VWA5B1: variants seen among roughly 807,000 people sequenced by gnomAD.
VWA5B1 encodes the protein von Willebrand factor A domain containing 5B1, also known as von Willebrand factor A domain-containing protein 5B1.
VWA5B1 carries 115 observed loss-of-function variants against 118.2 expected under a neutral mutation model. The ratio of observed to expected loss-of-function variants is 0.97; its 90% CI spans 0.84 to 1.14. The LOEUF (loss-of-function observed/expected upper bound fraction) is 1.14. Among genes scored for constraint, VWA5B1 ranks in the 50% most tolerant of loss-of-function variants. The pLI is 0.00. For synonymous variants in VWA5B1, 682 were observed against 658.4 expected, an observed-to-expected ratio of 1.04 and a Z score of -0.55; for missense variants, 1,596 against 1,603.8, an observed-to-expected ratio of 1.00 and a Z score of 0.08.
chr1:20,318,121 A>T (rs2089083096), intron 5 of VWA5B1, among the ~76,000 whole-genome samples: 1 of 151,280 alleles, frequency 6.6e-6, no homozygotes, highest in African/African-American at 2.4e-5. Flanking sequence ...TGTAACCAGG[A>T]TTGAGAACCA....
rs925796516 is a variant in VWA5B1, at chr1:20,330,793, C to G, written c.1458-76C>G. The G allele has an allele frequency of 3.6e-6, 5 of 1,391,482 alleles. No homozygotes were observed. The African/African-American group carries it at 4.3e-5, about 12-fold the overall frequency. 86.2% of individuals were successfully genotyped at this position (1,391,482 alleles called of 1,614,324 possible). On this transcript the variant is annotated intron_variant, in intron 10 of 21. Transcript: ENST00000289815. Reference sequence around the variant, plus strand: ...CTCCAAGATCCTGCCAGACCATGCTCTGTCCCTTTCTGCATCAGGAGGCAA... The same window carrying G: ...CTCCAAGATCCTGCCAGACCATGCTGTGTCCCTTTCTGCATCAGGAGGCAA...
intron 6 of VWA5B1, 75 bp from the exon 7 acceptor site, chr1:20,319,307 A>G: frequency 2.0e-6 from 3 of 1,528,238 alleles, no homozygotes; most frequent in South Asian, 2.5e-5. Context: ...AGAATCTTGC[A>G]CCTAAACCAA....
At chr1:20,314,710 C>T (rs1570099159) in intron 4 of VWA5B1, 118 bp downstream of exon 4, 15 of 1,457,110 alleles carry the variant, frequency 1.0e-5, no homozygotes, top group Non-Finnish European at 1.2e-5. Context: ...AGGCTCTGCT[C>T]TACGATTGCC....
intron 10 of VWA5B1, 72 bp from the exon 11 acceptor site, chr1:20,330,797 C>A: frequency 2.8e-6 from 4 of 1,408,654 alleles, no homozygotes; most frequent in Non-Finnish European, 3.9e-6. Flanking sequence ...CATGCTCTGT[C>A]CCTTTCTGCA....
intron 21 of VWA5B1, among the ~76,000 whole-genome samples, chr1:20,353,185 G>T (rs548821195): frequency 2.4e-4 from 37 of 152,254 alleles, no homozygotes; most frequent in Admixed American, 2.2e-3. Flanking sequence ...AGTTGGAGAG[G>T]GTAAGAGTCA....
At chr1:20,324,294 AG>A in intron 8 of VWA5B1, among the ~76,000 whole-genome samples, 1 of 152,214 alleles carries the variant, frequency 6.6e-6, no homozygotes, top group Non-Finnish European at 1.5e-5. Context: ...CTCCCTGCTA[AG>A]GAGAGCTCCT....
intron 12 of VWA5B1, among the ~76,000 whole-genome samples, chr1:20,335,747 C>T (rs904540486): frequency 2.0e-5 from 3 of 152,090 alleles, no homozygotes; most frequent in Non-Finnish European, 4.4e-5. Context: ...AGTAGATCAT[C>T]ATAAAGGTCT....
intron 1 of VWA5B1, 58 bp from the exon 2 acceptor site, chr1:20,310,518 A>G: frequency 1.4e-6 from 2 of 1,417,490 alleles, no homozygotes; most frequent in Admixed American, 3.2e-5. Flanking sequence ...CGGGAAAACT[A>G]GGTTGAGGGG....
intron 18 of VWA5B1, 63 bp from the exon 19 acceptor site, chr1:20,350,093 T>A: frequency 1.3e-6 from 2 of 1,497,212 alleles, no homozygotes; most frequent in Non-Finnish European, 1.8e-6. Context: ...ATTGCTCTCC[T>A]GAGGGGATGG....
chr1:20,304,191 G>T (rs1285882600), intron 1 of VWA5B1, among the ~76,000 whole-genome samples: 2 of 152,170 alleles, frequency 1.3e-5, no homozygotes, highest in African/African-American at 2.4e-5. Context: ...TTACAGTGCC[G>T]CAGGATGTGG....
intron 1 of VWA5B1, among the ~76,000 whole-genome samples, chr1:20,295,735 C>T (rs955512971): frequency 3.9e-5 from 6 of 152,144 alleles, no homozygotes; most frequent in African/African-American, 7.2e-5. Flanking sequence ...AGAATGTGGC[C>T]ATTGAGGGAG....
chr1:20,338,009 A>G (rs561705916), intron 14 of VWA5B1, 173 bp downstream of exon 14: 1 of 812,944 alleles, frequency 1.2e-6, no homozygotes, highest in East Asian at 2.7e-5. Flanking sequence ...GACACCTTCC[A>G]AATCAGGACA....
At chr1:20,350,024 C>G in intron 18 of VWA5B1, 132 bp from the exon 19 acceptor site, 1 of 827,114 alleles carries the variant, frequency 1.2e-6, no homozygotes, top group Non-Finnish European at 2.0e-6. Context: ...CCCATCCGAG[C>G]AGGGGTGGAA....
At chr1:20,313,039 G>A (rs1290078862) in intron 3 of VWA5B1, 51 bp downstream of exon 3, 2 of 1,534,876 alleles carry the variant, frequency 1.3e-6, no homozygotes, top group South Asian at 1.2e-5. Flanking sequence ...CCAGCCAGAG[G>A]CTGCCTGGGC....
At chr1:20,305,536 A>T (rs1490850313) in intron 1 of VWA5B1, among the ~76,000 whole-genome samples, 1 of 152,004 alleles carries the variant, frequency 6.6e-6, no homozygotes, top group Non-Finnish European at 1.5e-5. Context: ...TGACAGGAGG[A>T]CAGAAGAGTG....
At chr1:20,314,738 C>T in intron 4 of VWA5B1, 146 bp downstream of exon 4, 2 of 1,393,996 alleles carry the variant, frequency 1.4e-6, no homozygotes, top group Non-Finnish European at 1.9e-6. Context: ...GAGCCATTTG[C>T]TTCTCCCCTG....
chr1:20,307,169 T>C (rs1186354663), intron 1 of VWA5B1, among the ~76,000 whole-genome samples: 2 of 152,184 alleles, frequency 1.3e-5, no homozygotes, highest in African/African-American at 2.4e-5. Flanking sequence ...CCTCACACAC[T>C]TGACAAGCCC....
chr1:20,319,287 C>T, intron 6 of VWA5B1, 95 bp from the exon 7 acceptor site: 1 of 1,497,574 alleles, frequency 6.7e-7, no homozygotes, highest in Admixed American at 2.1e-5. Context: ...ATGGGAGTCC[C>T]ACCCCTGTGA....
intron 7 of VWA5B1, among the ~76,000 whole-genome samples, chr1:20,320,231 G>A (rs561831252): frequency 1.3e-5 from 2 of 152,216 alleles, no homozygotes; most frequent in South Asian, 2.1e-4. Context: ...CAGTAAGCTG[G>A]AGGAAGGGAA....
Sources: gnomAD v4.1 joint callset for allele counts (sites outside exome capture counted in the v4.1 genomes callset) on GRCh38, gnomAD v4.1.1 for gene constraint, MANE v1.5 for transcripts, NCBI Gene and HGNC (gene_info 2026-07-23, HGNC 2026-07-21) for gene names.